Variants in CC2D2B observed in about 807,000 individuals in gnomAD.
CC2D2B encodes the protein protein CC2D2B.
In CC2D2B, 128 loss-of-function variants were observed where a neutral mutation model predicts 161.2. The ratio of observed to expected loss-of-function variants is 0.79; its 90% CI spans 0.69 to 0.92. The LOEUF (loss-of-function observed/expected upper bound fraction) is 0.92, where lower values mean the gene tolerates loss of function less well. CC2D2B is among the 40% of genes least tolerant of loss of function. CC2D2B has a pLI of 0.00. For synonymous variants in CC2D2B, 391 were observed against 449.8 expected (o/e 0.87, Z 1.65); for missense variants, 1,173 against 1,375.1 (o/e 0.85, Z 2.32).
intron 28 of CC2D2B, among the ~76,000 whole-genome samples, chr10:96,013,230 C>G (rs903731880): frequency 6.6e-6 from 1 of 152,052 alleles, no homozygotes; most frequent in Non-Finnish European, 1.5e-5. Flanking sequence ...TAGTCTGAGT[C>G]TTTGTCTCCA....
chr10:96,025,163 A>ATATC (rs2079653665), intron 33 of CC2D2B, among the ~76,000 whole-genome samples: 1 of 9,854 alleles, frequency 1.0e-4, no homozygotes, highest in South Asian at 3.1e-3. Flanking sequence ...AAATATATAT[A>ATATC]TATATATATA....
intron 31 of CC2D2B, 136 bp from the exon 32 acceptor site, chr10:96,019,566 T>C (rs1303515946): frequency 5.5e-6 from 5 of 913,866 alleles, no homozygotes; most frequent in African/African-American, 1.7e-5. Context: ...AATCTCTTTA[T>C]CTCCTGCCTC....
intron 19 of CC2D2B, among the ~76,000 whole-genome samples, chr10:95,987,682 C>G (rs1156662396): frequency 6.6e-6 from 1 of 152,132 alleles, no homozygotes; most frequent in Non-Finnish European, 1.5e-5. Context: ...TTATTATAGT[C>G]AACACACATT....
intron 34 of CC2D2B, among the ~76,000 whole-genome samples, chr10:96,027,969 T>C (rs1222386090): frequency 6.6e-6 from 1 of 152,192 alleles, no homozygotes; most frequent in Non-Finnish European, 1.5e-5. Context: ...CATATGTCAC[T>C]TTATGCAAAA....
chr10:96,008,388 G>A (rs2078849864), intron 25 of CC2D2B, among the ~76,000 whole-genome samples: 1 of 151,960 alleles, frequency 6.6e-6, no homozygotes, highest in Admixed American at 6.6e-5. Context: ...ATGAACATTT[G>A]TGTAAAGTCC....
At chr10:96,012,796 C>T in intron 28 of CC2D2B, 67 bp downstream of exon 28, 1 of 1,035,790 alleles carries the variant, frequency 9.7e-7, no homozygotes, top group Non-Finnish European at 1.5e-6. Context: ...TCACTTTTAC[C>T]TTTTGTGTAT....
chr10:95,967,617 T>C (rs2076984322), intron 14 of CC2D2B, among the ~76,000 whole-genome samples: 1 of 152,230 alleles, frequency 6.6e-6, no homozygotes, highest in Admixed American at 6.5e-5. Context: ...AAGATAATTA[T>C]AACCCTGAAT....
chr10:95,921,856 T>C (rs2098528053), intron 2 of CC2D2B, 160 bp from the exon 3 acceptor site: 1 of 410,580 alleles, frequency 2.4e-6, no homozygotes, highest in Non-Finnish European at 4.5e-6. Flanking sequence ...AAATGACGAG[T>C]TGATGGGTGC....
chr10:96,031,896 A>T lies in CC2D2B; in HGVS notation c.4202A>T (p.His1401Leu). 6.2e-7 allele frequency: 1 copy of T among 1,613,612 alleles called. No individual in the cohort carries two copies. ...GATGCTGTTTATCAAACTGGAATTC[A>T]CTCTGCTGAATTTCCCCAGACAGAA... ...IIDAVYQTGI[H>L]SAEFPQTEFA... is the part of the protein sequence containing the mutation. Residue 1401 changes from histidine (H) to leucine (L), a missense_variant, in exon 35 of 35, where the codon CAC becomes CTC. By Grantham distance (99) the His-to-Leu change is moderately conservative (BLOSUM62 -3). Transcript: ENST00000646931.
chr10:95,959,361 C>T (rs1320447917), intron 11 of CC2D2B, among the ~76,000 whole-genome samples: 1 of 152,160 alleles, frequency 6.6e-6, no homozygotes, highest in African/African-American at 2.4e-5. Flanking sequence ...GGGAACTCTA[C>T]AGGTAGGGCC....
At chr10:95,993,928 GTGTGTGTGTGTGTGTA>G (rs2078088764) in intron 22 of CC2D2B, among the ~76,000 whole-genome samples, 1 of 4,962 alleles carries the variant, frequency 2.0e-4, no homozygotes, top group African/African-American at 9.2e-4. Flanking sequence ...GTGTGTGTGT[GTGTGTGTGTGTGTGTA>G]TGTATGTGTA....
intron 12 of CC2D2B, among the ~76,000 whole-genome samples, chr10:95,964,478 T>C (rs1252994034): frequency 2.0e-5 from 3 of 152,112 alleles, no homozygotes; most frequent in African/African-American, 7.2e-5. Flanking sequence ...GAACAGCAAG[T>C]TTACTGATGT....
chr10:95,917,903 A>G (rs748236558), intron 2 of CC2D2B, among the ~76,000 whole-genome samples: 1 of 152,012 alleles, frequency 6.6e-6, no homozygotes, highest in Admixed American at 6.6e-5. Flanking sequence ...CAGCCTCCCA[A>G]GTAGCTGGGT....
chr10:95,954,063 G>T (rs2076493280), intron 10 of CC2D2B, among the ~76,000 whole-genome samples: 1 of 152,154 alleles, frequency 6.6e-6, no homozygotes, highest in South Asian at 2.1e-4. Flanking sequence ...AAATGATTGA[G>T]CAATTGAACA....
At chr10:96,007,394 G>C (rs971134673) in intron 25 of CC2D2B, among the ~76,000 whole-genome samples, 1 of 152,154 alleles carries the variant, frequency 6.6e-6, no homozygotes, top group Non-Finnish European at 1.5e-5. Flanking sequence ...CCTAAGGCAA[G>C]GTAGACCTAA....
At chr10:96,008,541 C>A (rs1356691440) in intron 25 of CC2D2B, among the ~76,000 whole-genome samples, 1 of 152,062 alleles carries the variant, frequency 6.6e-6, no homozygotes, top group Non-Finnish European at 1.5e-5. Flanking sequence ...ACTTCCAGTT[C>A]TTTCACTTTC....
At chr10:95,960,525 T>C (rs1245389389) in intron 11 of CC2D2B, among the ~76,000 whole-genome samples, 2 of 152,172 alleles carry the variant, frequency 1.3e-5, no homozygotes, top group African/African-American at 4.8e-5. Flanking sequence ...TATTTTCTTT[T>C]TTTTTGAGAC....
At chr10:95,928,653 C>T (rs192150066) in intron 6 of CC2D2B, among the ~76,000 whole-genome samples, 27 of 152,212 alleles carry the variant, frequency 1.8e-4, no homozygotes, top group Admixed American at 1.2e-3. Context: ...TGAGAACATG[C>T]GGTGTTTGGT....
At position 96,009,887 on chromosome 10, in the gene CC2D2B, T is replaced by A; in HGVS notation, c.3009T>A (p.Ile1003=). ...SYIRKNWLGC[I]VFPFSALLQQ... ...TAAGAAAGAATTGGCTTGGATGCATTGTCTTCCCTTTTTCTGCTCTTCTGC... is the reference window on the plus strand; with the variant it reads ...TAAGAAAGAATTGGCTTGGATGCATAGTCTTCCCTTTTTCTGCTCTTCTGC... The change falls in exon 26 of 35, where the codon ATT becomes ATA. Residue 1003 remains isoleucine (I), a synonymous_variant. Coordinates refer to ENST00000646931, the MANE Select transcript of CC2D2B (RefSeq NM_001349008.3). 6.2e-7 allele frequency: 1 copy of A among 1,610,062 alleles called. No homozygotes were observed. The highest frequency in any genetic ancestry group is 1.1e-5 in the South Asian group (1 of 90,530).
Sources: allele counts gnomAD v4.1 joint callset (sites outside exome capture counted in the v4.1 genomes callset), GRCh38; gene constraint gnomAD v4.1.1; transcripts MANE v1.5; gene names NCBI Gene and HGNC (gene_info 2026-07-23, HGNC 2026-07-21).